Variants in GPHN observed in about 807,000 individuals in gnomAD.
GPHN encodes the protein gephyrin.
GPHN carries 17 observed loss-of-function variants against 95.5 expected under a neutral mutation model. The ratio of observed to expected loss-of-function variants is 0.18; its 90% CI spans 0.12 to 0.27. The LOEUF (loss-of-function observed/expected upper bound fraction) is 0.27. Ranked by LOEUF, GPHN falls within the 10% of genes least tolerant of loss-of-function variation. The probability of loss-of-function intolerance (pLI) is 1.00; values close to 1 mark genes in which losing one functional copy is unlikely to be tolerated. For synonymous variants in GPHN, 320 were observed against 322.5 expected, an observed-to-expected ratio of 0.99 and a Z score of 0.08; for missense variants, 660 against 978.1, an observed-to-expected ratio of 0.67 and a Z score of 4.34.
chr14:66,794,622 A>G (rs1330401667), intron 3 of GPHN, among the ~76,000 whole-genome samples: 1 of 152,208 alleles, frequency 6.6e-6, no homozygotes, highest in East Asian at 1.9e-4. Context: ...GAATTGATAC[A>G]GTTAATGTAG....
chr14:67,598,026 C>T, the GPHN span, among the ~76,000 whole-genome samples: 3 of 152,230 alleles, frequency 2.0e-5, no homozygotes, highest in Non-Finnish European at 2.9e-5. Flanking sequence ...AAAAGCAATC[C>T]GTGCCCTACT....
At chr14:66,988,333 T>G (rs2071163728) in intron 9 of GPHN, among the ~76,000 whole-genome samples, 1 of 152,040 alleles carries the variant, frequency 6.6e-6, no homozygotes, top group Non-Finnish European at 1.5e-5. Context: ...TGAGACTTCA[T>G]TTGGAGATTT....
chr14:67,203,634 T>C, the GPHN span, among the ~76,000 whole-genome samples: 1 of 152,346 alleles, frequency 6.6e-6, no homozygotes, highest in East Asian at 1.9e-4. Context: ...TCTATGATCA[T>C]GAGCAAATTG....
At chr14:66,590,301 G>A (rs1308547627) in intron 1 of GPHN, among the ~76,000 whole-genome samples, 1 of 152,102 alleles carries the variant, frequency 6.6e-6, no homozygotes, top group Non-Finnish European at 1.5e-5. Flanking sequence ...AAAGCTAGCA[G>A]AAGACAAGAA....
the GPHN span, chr14:67,340,234 TGGAAATGCCA>T: frequency 2.0e-6 from 1 of 496,594 alleles, no homozygotes; most frequent in Non-Finnish European, 3.6e-6. Flanking sequence ...CCTAAGTTTT[TGGAAATGCCA>T]TGTTATAGGT....
intron 3 of GPHN, among the ~76,000 whole-genome samples, chr14:66,801,624 C>T (rs141117740): frequency 1.5e-4 from 20 of 133,398 alleles, no homozygotes; most frequent in South Asian, 6.0e-4. Flanking sequence ...CCCCTCCCCC[C>T]GCTCTCTCCC....
chr14:66,834,141 AAAG>A (rs2061694632), intron 4 of GPHN, among the ~76,000 whole-genome samples: 3 of 152,164 alleles, frequency 2.0e-5, no homozygotes, highest in Non-Finnish European at 4.4e-5. Context: ...GCTGTGCTCA[AAAG>A]AAGGTTAATT....
chr14:66,623,919 G>T (rs112574545), intron 1 of GPHN, among the ~76,000 whole-genome samples: 4,150 of 152,256 alleles, frequency 0.027, 80 homozygotes, highest in Non-Finnish European at 0.039. Flanking sequence ...ACCTCCTTGA[G>T]CGAGGTTGCT....
downstream of GPHN, among the ~76,000 whole-genome samples, chr14:67,182,285 TA>T (rs2083337534): frequency 2.0e-5 from 3 of 152,118 alleles, no homozygotes; most frequent in Admixed American, 1.3e-4. Context: ...ACACAATAGG[TA>T]AAATATACTG....
Position 67,125,514 on chromosome 14 carries a change from C to T in GPHN, c.1748+3137C>T, listed in dbSNP as rs142048229. Among the ~76,000 whole-genome samples the T allele has an allele frequency of 4.2e-3, 644 of 152,302 alleles. 1 individual carries two copies. The highest frequency in any genetic ancestry group is 7.4e-3 in the Non-Finnish European group (505 of 68,024). ...AATAAGGGCGAGGTGCAGTGGCTCA[C>T]GCCTATAATCCCAGCACTTTGGGAG... is the stretch of plus-strand genomic sequence containing the variant. On this transcript the variant is annotated intron_variant, in intron 17 of 22. Transcript: ENST00000478722.
At chr14:66,949,798 C>T (rs1398238549) in intron 8 of GPHN, among the ~76,000 whole-genome samples, 1 of 152,026 alleles carries the variant, frequency 6.6e-6, no homozygotes, top group African/African-American at 2.4e-5. Flanking sequence ...AATGTGTGCT[C>T]ATTTTTGAAT....
intron 8 of GPHN, among the ~76,000 whole-genome samples, chr14:66,939,083 A>C (rs539032853): frequency 1.3e-5 from 2 of 152,314 alleles, no homozygotes; most frequent in South Asian, 4.1e-4. Flanking sequence ...CCCACAATAC[A>C]ACTCTTGGAG....
intron 16 of GPHN, among the ~76,000 whole-genome samples, chr14:67,118,448 AGG>A (rs2078815514): frequency 6.6e-6 from 1 of 152,176 alleles, no homozygotes; most frequent in East Asian, 1.9e-4. Context: ...CCCTCGGGCC[AGG>A]CGCGGTGGCT....
the GPHN span, among the ~76,000 whole-genome samples, chr14:67,596,467 G>A: frequency 5.3e-5 from 8 of 151,856 alleles, no homozygotes; most frequent in Non-Finnish European, 1.0e-4. Context: ...GACTGGCACA[G>A]GAAAAAAATT....
intron 8 of GPHN, among the ~76,000 whole-genome samples, chr14:66,926,035 C>G (rs1276975078): frequency 6.6e-6 from 1 of 152,094 alleles, no homozygotes. Flanking sequence ...ACTTGTTTAC[C>G]ATTTGTATGT....
chr14:67,364,091 G>T, the GPHN span: 7 of 152,174 alleles, frequency 4.6e-5, no homozygotes, highest in Non-Finnish European at 1.0e-4. Flanking sequence ...TCAAGATTAG[G>T]TATACCTATT....
At chr14:67,124,695 C>T (rs1182522583) in intron 17 of GPHN, among the ~76,000 whole-genome samples, 3 of 152,136 alleles carry the variant, frequency 2.0e-5, no homozygotes, top group Admixed American at 6.5e-5. Flanking sequence ...TCTGGCCCTA[C>T]CTCTAAGTGC....
the GPHN span, among the ~76,000 whole-genome samples, chr14:67,266,058 C>T: frequency 6.6e-6 from 1 of 152,132 alleles, no homozygotes; most frequent in Non-Finnish European, 1.5e-5. Context: ...ACTCCTGTCT[C>T]TGCTTCCCAA....
chr14:67,328,190 G>A, the GPHN span, among the ~76,000 whole-genome samples: 1 of 152,166 alleles, frequency 6.6e-6, no homozygotes, highest in Non-Finnish European at 1.5e-5. Context: ...GGTGTGAGAT[G>A]GTATCTCATT....
Sources: allele counts gnomAD v4.1 joint callset (sites outside exome capture counted in the v4.1 genomes callset), GRCh38; gene constraint gnomAD v4.1.1; transcripts MANE v1.5; gene names NCBI Gene and HGNC (gene_info 2026-07-23, HGNC 2026-07-21).